ANK1: variants seen among roughly 807,000 people sequenced by gnomAD.
The protein encoded by ANK1 is ankyrin-1.
ANK1 carries 51 observed loss-of-function variants against 210.4 expected under a neutral mutation model. That is an observed-to-expected ratio of 0.24 (90% CI 0.19 to 0.31). The LOEUF (loss-of-function observed/expected upper bound fraction) is 0.31, where lower values mean the gene tolerates loss of function less well. ANK1 is among the 10% of genes least tolerant of loss of function. ANK1 has a pLI of 1.00. For synonymous variants in ANK1, 967 were observed against 1,025.9 expected (o/e 0.94, Z 1.10); for missense variants, 2,051 against 2,504.4 (o/e 0.82, Z 3.86).
At chr8:41,820,167 C>CT (rs35718313) in intron 1 of ANK1, among the ~76,000 whole-genome samples, 58,095 of 147,784 alleles carry the variant, frequency 0.39, 11,309 homozygotes, top group Non-Finnish European at 0.43. Context: ...TAGATCTCAC[C>CT]TTTTTTTTTT....
rs28571216 is a variant in ANK1, at chr8:41,706,258, G to A, written c.1999-17C>T. The A allele has an allele frequency of 9.1e-4, 1,465 of 1,607,216 alleles. 9 individuals carry two copies. In the African/African-American group the frequency reaches 0.018, roughly 19 times the overall value. ...GAGTCCGCTCTGCAAAGAAAAAGAC[G>A]TTCATCACCTTCTATCAAGTAAAGA... is the stretch of plus-strand genomic sequence containing the variant. On this transcript the variant is annotated splice_polypyrimidine_tract_variant and intron_variant, in intron 17 of 42. Coordinates refer to ENST00000289734, the MANE Select transcript of ANK1 (RefSeq NM_000037.4).
chr8:41,807,371 C>G (rs755083241), intron 1 of ANK1, among the ~76,000 whole-genome samples: 2 of 152,214 alleles, frequency 1.3e-5, no homozygotes, highest in African/African-American at 2.4e-5. Flanking sequence ...AGATAAGACT[C>G]TAACGTGGCT....
intron 1 of ANK1, among the ~76,000 whole-genome samples, chr8:41,873,730 T>C (rs1330268700): frequency 6.6e-6 from 1 of 152,004 alleles, no homozygotes; most frequent in Non-Finnish European, 1.5e-5. Flanking sequence ...AGCTGTGGAG[T>C]GGAGCCTGGG....
At chr8:41,680,926 C>G (rs1209928711) in intron 37 of ANK1, among the ~76,000 whole-genome samples, 2 of 152,212 alleles carry the variant, frequency 1.3e-5, no homozygotes, top group Non-Finnish European at 2.9e-5. Context: ...CCCACCACAC[C>G]TGGGTCACCA....
chr8:41,733,149 C>G (rs927080470), intron 3 of ANK1, among the ~76,000 whole-genome samples: 2 of 152,182 alleles, frequency 1.3e-5, no homozygotes, highest in Non-Finnish European at 2.9e-5. Flanking sequence ...TTTCATGACT[C>G]TGGGATTTTG....
intron 40 of ANK1, 67 bp from the exon 41 acceptor site, chr8:41,662,008 C>CA (rs1808464499): frequency 6.4e-7 from 1 of 1,572,458 alleles, no homozygotes; most frequent in Non-Finnish European, 8.7e-7. Flanking sequence ...TCTGTAATCT[C>CA]AGCACTTTGG....
chr8:41,800,346 A>G (rs1849666642), upstream of ANK1, among the ~76,000 whole-genome samples: 1 of 152,238 alleles, frequency 6.6e-6, no homozygotes, highest in Non-Finnish European at 1.5e-5. Context: ...AAACGGAGGC[A>G]CGGGGAGATT....
intron 1 of ANK1, among the ~76,000 whole-genome samples, chr8:41,807,597 C>A (rs527773176): frequency 6.6e-6 from 1 of 152,120 alleles, no homozygotes; most frequent in African/African-American, 2.4e-5. Context: ...ATGGATCACA[C>A]GGTGCTGGTG....
At chr8:41,750,060 C>T (rs1193060610) in intron 2 of ANK1, among the ~76,000 whole-genome samples, 5 of 152,350 alleles carry the variant, frequency 3.3e-5, no homozygotes, top group South Asian at 2.1e-4. Flanking sequence ...GATTCTATAG[C>T]TTGGAAAGGT....
chr8:41,792,101 C>T (rs1301672979), intron 1 of ANK1, among the ~76,000 whole-genome samples: 3 of 152,206 alleles, frequency 2.0e-5, no homozygotes, highest in Non-Finnish European at 2.9e-5. Flanking sequence ...GCTTTTCTTC[C>T]TGAGCCCCCA....
At chr8:41,843,474 G>T (rs1445584083) in intron 1 of ANK1, among the ~76,000 whole-genome samples, 1 of 151,792 alleles carries the variant, frequency 6.6e-6, no homozygotes, top group Admixed American at 6.6e-5. Flanking sequence ...TTAAAGGGGG[G>T]GCCCTGCAGC....
At chr8:41,804,563 G>C (rs1465023928) in intron 1 of ANK1, among the ~76,000 whole-genome samples, 1 of 152,088 alleles carries the variant, frequency 6.6e-6, no homozygotes, top group African/African-American at 2.4e-5. Context: ...TTCTCTCCCT[G>C]GCTATGAGAG....
intron 2 of ANK1, among the ~76,000 whole-genome samples, chr8:41,741,408 C>T (rs928102936): frequency 5.9e-5 from 9 of 152,226 alleles, no homozygotes; most frequent in African/African-American, 1.9e-4. Context: ...CTGGCCCACA[C>T]TTGGCCTTCA....
chr8:41,672,608 C>A lies in ANK1; in HGVS notation c.4842G>T (p.Glu1614Asp). 3 of 1,614,256 alleles carry A rather than the reference C, an allele frequency of 1.9e-6. No homozygotes were observed. The highest frequency in any genetic ancestry group is 2.5e-6 in the Non-Finnish European group (3 of 1,180,046). The change falls in exon 38 of 43, where the codon GAG becomes GAT. Residue 1614 changes from glutamate to aspartate, a missense_variant. Coordinates refer to ENST00000289734, the MANE Select transcript of ANK1 (RefSeq NM_000037.4). The part of the protein sequence containing the change: ...GALSEEPRGP[E>D]LGSLELVEDD... Reference sequence around the variant, plus strand: ...CCTCCACAAGTTCCAGAGAGCCCAACTCGGGGCCCCGCGGTTCCTCTGAGA... The same window carrying A: ...CCTCCACAAGTTCCAGAGAGCCCAAATCGGGGCCCCGCGGTTCCTCTGAGA...
rs1805311254 is a variant in ANK1 at position 41,655,391 on chromosome 8, AT to A, written c.*398del. The A allele has an allele frequency of 1.0e-5, 3 of 288,772 alleles. No individual in the cohort carries two copies. The highest frequency in any genetic ancestry group is 2.2e-5 in the African/African-American group (1 of 45,090). The allele number at this position is 288,772 out of a possible 1,614,324, so 17.9% of individuals were successfully genotyped here. On this transcript the variant is annotated 3_prime_UTR_variant, in exon 43 of 43. Transcript: ENST00000289734. ...AAGTACCCTGTACGAAGTCAAAACAATTTAAAAAAAAAACCCCAAAACCAAA... is the reference window on the plus strand; with the variant it reads ...AAGTACCCTGTACGAAGTCAAAACAATTAAAAAAAAAACCCCAAAACCAAA...
intron 37 of ANK1, among the ~76,000 whole-genome samples, chr8:41,675,259 G>C (rs1273481479): frequency 6.6e-6 from 1 of 152,112 alleles, no homozygotes; most frequent in East Asian, 1.9e-4. Context: ...ATGACGCCTG[G>C]CCAATTTTTG....
chr8:41,849,523 C>CA (rs11393876), intron 1 of ANK1, among the ~76,000 whole-genome samples: 134,922 of 149,176 alleles, frequency 0.9, 61,124 homozygotes, highest in African/African-American at 0.94. Flanking sequence ...GACAATGTCC[C>CA]AAAAAAAAAA....
In ANK1 at chr8:41,834,414, C is replaced by A. The variant is rs73675143; in HGVS notation, c.126+61941G>T. On this transcript the variant is annotated intron_variant, in intron 1 of 42. Coordinates refer to the ANK1 transcript ENST00000265709. The stretch of plus-strand genomic sequence containing the variant: ...CAGGCAAATGACGCGGCGCCCATGT[C>A]GGAGGCAGCACTGGGGTTTTGTTCT... Among the ~76,000 whole-genome samples, 1,334 of 152,360 alleles carry A rather than the reference C, an allele frequency of 8.8e-3. 35 individuals are homozygous for A. Among genetic ancestry groups the A allele is most frequent in the African/African-American group, 0.031 (1,281 of 41,580 alleles).
rs35341809 is a variant in ANK1, at chr8:41,856,874, C to CTTT, written c.126+39478_126+39480dup. Among the ~76,000 whole-genome samples, 184 of 95,240 alleles carry CTTT rather than the reference C, an allele frequency of 1.9e-3. 1 individual carries two copies. The highest frequency in any genetic ancestry group is 7.2e-3 in the Middle Eastern group (1 of 138). 62.5% of individuals were successfully genotyped at this position (95,240 alleles called of 152,430 possible). A position where few individuals can be genotyped will look rare whatever the true frequency, so the allele number is the denominator to read the frequency against. On this transcript the variant is annotated intron_variant, in intron 1 of 42. Transcript: ENST00000265709. ...TTTCGCCTTGGTGCTTAACAGCCCT[C>CTTT]TTTTTTTTTTTTTTTTTTTTTTTTT...
Sources: gnomAD v4.1 joint callset for allele counts (sites outside exome capture counted in the v4.1 genomes callset) on GRCh38, gnomAD v4.1.1 for gene constraint, MANE v1.5 for transcripts, NCBI Gene and HGNC (gene_info 2026-07-23, HGNC 2026-07-21) for gene names.